EPC2: variants seen among roughly 807,000 people sequenced by gnomAD.
EPC2 encodes enhancer of polycomb 2.
EPC2 carries 14 observed loss-of-function variants against 92.1 expected under a neutral mutation model. That is an observed-to-expected ratio of 0.15 (90% CI 0.10 to 0.24). The LOEUF is 0.24. EPC2 is among the 10% of genes least tolerant of loss of function. The pLI, the probability that EPC2 is intolerant of heterozygous loss-of-function variation, is 1.00. For synonymous variants in EPC2, 340 were observed against 334.7 expected (o/e 1.02, Z -0.17); for missense variants, 755 against 971.5 (o/e 0.78, Z 2.96).
chr2:148,647,097 G>A (rs1295934691), intron 1 of EPC2, among the ~76,000 whole-genome samples: 1 of 151,940 alleles, frequency 6.6e-6, no homozygotes, highest in African/African-American at 2.4e-5. Context: ...GGGACAGAGC[G>A]AGACTCCGTC....
chr2:148,706,402 A>T (rs967172237), intron 2 of EPC2, among the ~76,000 whole-genome samples: 1 of 152,160 alleles, frequency 6.6e-6, no homozygotes, highest in Non-Finnish European at 1.5e-5. Flanking sequence ...GGGAGAATGG[A>T]ACCAAGCTGG....
At chr2:148,731,009 G>A (rs377499183) in intron 2 of EPC2, among the ~76,000 whole-genome samples, 1 of 152,170 alleles carries the variant, frequency 6.6e-6, no homozygotes, top group East Asian at 1.9e-4. Context: ...TATATCTCTT[G>A]CAGTTAAGGA....
chr2:148,661,866 C>T lies in EPC2; in HGVS notation c.153+16696C>T, dbSNP rs185680715. Among the ~76,000 whole-genome samples the T allele has an allele frequency of 3.8e-3, 582 of 152,208 alleles. 2 individuals are homozygous for T. Among genetic ancestry groups the T allele is most frequent in the African/African-American group, 0.013 (551 of 41,532 alleles). ...ATAGTATAATACTGAACCATACTAG[C>T]TTTCCTAGAATGAACACCATTTGGT... On this transcript the variant is annotated intron_variant, in intron 1 of 13. Transcript: ENST00000258484.
chr2:148,686,047 T>A (rs1476357319), intron 1 of EPC2, among the ~76,000 whole-genome samples: 2 of 152,230 alleles, frequency 1.3e-5, no homozygotes, highest in Non-Finnish European at 2.9e-5. Context: ...TGAAGTTTGC[T>A]GCATCAGTTG....
intron 1 of EPC2, among the ~76,000 whole-genome samples, chr2:148,679,250 T>C (rs935589051): frequency 7.2e-5 from 11 of 152,238 alleles, no homozygotes; most frequent in Admixed American, 7.2e-4. Context: ...TTCATCTTTA[T>C]ACTAACACTC....
intron 1 of EPC2, among the ~76,000 whole-genome samples, chr2:148,649,169 A>G (rs575677631): frequency 1.3e-5 from 2 of 152,320 alleles, no homozygotes; most frequent in Admixed American, 1.3e-4. Flanking sequence ...TACATATATT[A>G]TTTCATTTAA....
intron 8 of EPC2, among the ~76,000 whole-genome samples, chr2:148,769,478 G>A (rs1252580868): frequency 6.6e-6 from 1 of 151,904 alleles, no homozygotes; most frequent in African/African-American, 2.4e-5. Flanking sequence ...GTTCATTTTG[G>A]GCTCTAATTA....
intron 11 of EPC2, among the ~76,000 whole-genome samples, chr2:148,781,987 G>A (rs1257223921): frequency 1.3e-5 from 2 of 152,118 alleles, no homozygotes; most frequent in South Asian, 4.1e-4. Flanking sequence ...GAGTGCTGGA[G>A]CCAAATATGG....
chr2:148,731,166 G>T (rs1388262420), intron 2 of EPC2, among the ~76,000 whole-genome samples: 1 of 152,116 alleles, frequency 6.6e-6, no homozygotes, highest in African/African-American at 2.4e-5. Context: ...GTCAGTGTTG[G>T]TTGTTACTGG....
At chr2:148,725,130 A>T (rs1298858118) in intron 2 of EPC2, among the ~76,000 whole-genome samples, 2 of 152,110 alleles carry the variant, frequency 1.3e-5, no homozygotes, top group South Asian at 4.1e-4. Context: ...TAGAGTTGGC[A>T]TAGATTTATA....
intron 2 of EPC2, among the ~76,000 whole-genome samples, chr2:148,701,001 CT>C (rs2105377339): frequency 6.6e-6 from 1 of 152,102 alleles, no homozygotes; most frequent in African/African-American, 2.4e-5. Context: ...TAGATTGATA[CT>C]TAAGTGTCTT....
chr2:148,664,737 A>G (rs550820272), intron 1 of EPC2, among the ~76,000 whole-genome samples: 1 of 152,326 alleles, frequency 6.6e-6, no homozygotes, highest in Non-Finnish European at 1.5e-5. Context: ...GAATCACAGT[A>G]TATACTCTTT....
intron 1 of EPC2, among the ~76,000 whole-genome samples, chr2:148,664,918 G>A (rs987962422): frequency 2.0e-5 from 3 of 152,044 alleles, no homozygotes; most frequent in Non-Finnish European, 4.4e-5. Context: ...GTTTTCCTTT[G>A]TTTGGGGTAA....
At chr2:148,765,330 G>A (rs1683387843) in intron 7 of EPC2, among the ~76,000 whole-genome samples, 184 bp downstream of exon 7, 1 of 152,070 alleles carries the variant, frequency 6.6e-6, no homozygotes, top group Non-Finnish European at 1.5e-5. Context: ...CTTTTCATCA[G>A]TTGTATAGAA....
chr2:148,710,914 C>T (rs769671254), intron 2 of EPC2, among the ~76,000 whole-genome samples: 5 of 151,924 alleles, frequency 3.3e-5, no homozygotes, highest in Non-Finnish European at 7.4e-5. Context: ...TTCCCATATA[C>T]CTCCTGTATG....
Position 148,786,543 on chromosome 2 carries a change from G to A in EPC2, c.*166G>A. On this transcript the variant is annotated 3_prime_UTR_variant, in exon 14 of 14. Transcript: ENST00000258484. ...ATATGATGTATATTTTGTAAAATTG[G>A]GAAAATCACTACCTTGTAAAATAGT... The A allele has an allele frequency of 1.0e-5, 5 of 477,840 alleles. No individual in the cohort carries two copies. Among genetic ancestry groups the A allele is most frequent in the South Asian group, 4.5e-5 (1 of 22,372 alleles). The allele number at this position is 477,840 out of a possible 1,614,324, so 29.6% of individuals were successfully genotyped here.
At chr2:148,775,650 T>TTAAATAAAATTAAATTTAATTTAA (rs1683618367) in intron 10 of EPC2, among the ~76,000 whole-genome samples, 1 of 42,776 alleles carries the variant, frequency 2.3e-5, no homozygotes, top group Admixed American at 1.5e-4. Flanking sequence ...AAATAAAATC[T>TTAAATAAAATTAAATTTAATTTAA]TTAAATAAAA....
rs991944853 is a variant in EPC2 at position 148,644,809 on chromosome 2, A to C, written c.-209A>C. Reference sequence around the variant, plus strand: ...AGCGGATCGGGCGGGCGAGCGGCGGATCTAGTGTGTGGAGGCGGCCGCGGG... The same window carrying C: ...AGCGGATCGGGCGGGCGAGCGGCGGCTCTAGTGTGTGGAGGCGGCCGCGGG... On this transcript the variant is annotated 5_prime_UTR_variant, in exon 1 of 14. Coordinates refer to ENST00000258484, the MANE Select transcript of EPC2 (RefSeq NM_015630.4). Among the ~76,000 whole-genome samples, 2 of 125,410 alleles carry C rather than the reference A, an allele frequency of 1.6e-5. No individual in the cohort carries two copies. Among genetic ancestry groups the C allele is most frequent in the African/African-American group, 3.2e-5 (1 of 31,700 alleles). The allele number at this position is 125,410 out of a possible 152,430, so 82.3% of individuals were successfully genotyped here.
intron 7 of EPC2, among the ~76,000 whole-genome samples, chr2:148,765,438 A>G (rs577390932): frequency 6.6e-6 from 1 of 152,318 alleles, no homozygotes; most frequent in East Asian, 1.9e-4. Context: ...TAGAAATTGA[A>G]TTACTAGTTA....
Sources: allele counts gnomAD v4.1 joint callset (sites outside exome capture counted in the v4.1 genomes callset), GRCh38; gene constraint gnomAD v4.1.1; transcripts MANE v1.5; gene names NCBI Gene and HGNC (gene_info 2026-07-23, HGNC 2026-07-21).